PAN3: variants seen among roughly 807,000 people sequenced by gnomAD.
PAN3 encodes PAN2-PAN3 deadenylation complex subunit PAN3.
Under a neutral mutation model 96.2 loss-of-function variants are expected in PAN3, and 19 were observed. That is an observed-to-expected ratio of 0.20 (90% CI 0.14 to 0.29). The LOEUF is 0.29. PAN3 is among the 10% of genes least tolerant of loss of function. The pLI is 1.00. For missense variants in PAN3, 882 were observed against 1,108.1 expected (o/e 0.80, Z 2.90); for synonymous variants, 433 against 406.6 (o/e 1.06, Z -0.78).
intron 6 of PAN3, among the ~76,000 whole-genome samples, chr13:28,247,886 G>C (rs1884356482): frequency 6.6e-6 from 1 of 152,230 alleles, no homozygotes; most frequent in African/African-American, 2.4e-5. Context: ...TTTTTGGTCA[G>C]AATGCTTTGG....
rs1869936301 is a variant in PAN3, at chr13:28,292,963, G to A, written c.*441G>A. On this transcript the variant is annotated 3_prime_UTR_variant, in exon 19 of 19. Transcript: ENST00000380958. ...TTGCAGAATTTGCTCTTTTTGGGATGGGTTGCCCTGAATAACATTACGGAC... is the reference window on the plus strand; with the variant it reads ...TTGCAGAATTTGCTCTTTTTGGGATAGGTTGCCCTGAATAACATTACGGAC... 1 of 153,028 alleles carries A rather than the reference G, an allele frequency of 6.5e-6. No individual in the cohort carries two copies. Among genetic ancestry groups the A allele is most frequent in the Admixed American group, 6.5e-5 (1 of 15,310 alleles). The allele number at this position is 153,028 out of a possible 1,614,324, so 9.5% of individuals were successfully genotyped here.
chr13:28,224,548 A>G (rs767927862), intron 6 of PAN3, among the ~76,000 whole-genome samples: 2 of 152,206 alleles, frequency 1.3e-5, no homozygotes, highest in Non-Finnish European at 2.9e-5. Flanking sequence ...GATTTTCAGC[A>G]TTTGTCAATA....
At chr13:28,143,601 C>T (rs1593346544) in intron 1 of PAN3, among the ~76,000 whole-genome samples, 1 of 152,230 alleles carries the variant, frequency 6.6e-6, no homozygotes, top group Non-Finnish European at 1.5e-5. Flanking sequence ...AACCTTTAAG[C>T]CTCAGTTTTT....
chr13:28,275,355 A>G (rs1023944238), intron 14 of PAN3, among the ~76,000 whole-genome samples: 4 of 152,100 alleles, frequency 2.6e-5, no homozygotes, highest in Non-Finnish European at 5.9e-5. Flanking sequence ...CTCTTGGACC[A>G]TTTTGGTTTT....
At chr13:28,159,536 C>A (rs1872649081) in intron 1 of PAN3, among the ~76,000 whole-genome samples, 1 of 152,224 alleles carries the variant, frequency 6.6e-6, no homozygotes, top group Non-Finnish European at 1.5e-5. Flanking sequence ...GCAACCTCCG[C>A]CTCCCTGGTT....
chr13:28,169,015 CAA>C (rs1274385475), intron 1 of PAN3, among the ~76,000 whole-genome samples: 3 of 119,326 alleles, frequency 2.5e-5, no homozygotes, highest in Non-Finnish European at 3.6e-5. Context: ...GACTCCGTCT[CAA>C]AAAAAAAAAA....
At chr13:28,289,373 C>T (rs1869414090) in intron 18 of PAN3, among the ~76,000 whole-genome samples, 1 of 152,082 alleles carries the variant, frequency 6.6e-6, no homozygotes, top group Non-Finnish European at 1.5e-5. Flanking sequence ...CCCAGGGCTG[C>T]AGTGGTCCTC....
intron 4 of PAN3, among the ~76,000 whole-genome samples, chr13:28,182,858 C>T (rs1307568815): frequency 2.0e-5 from 3 of 152,150 alleles, no homozygotes; most frequent in African/African-American, 7.2e-5. Context: ...TGTTACAAAA[C>T]TTACTGATGA....
At chr13:28,246,127 A>G (rs1400321510) in intron 6 of PAN3, among the ~76,000 whole-genome samples, 1 of 152,044 alleles carries the variant, frequency 6.6e-6, no homozygotes, top group Non-Finnish European at 1.5e-5. Flanking sequence ...TGTGGTTTTG[A>G]TTTCTGTGTC....
chr13:28,188,196 T>C (rs556601205), intron 4 of PAN3, among the ~76,000 whole-genome samples: 2 of 152,308 alleles, frequency 1.3e-5, no homozygotes, highest in East Asian at 3.9e-4. Context: ...GGTACATCAA[T>C]TGAGAAATCT....
intron 4 of PAN3, among the ~76,000 whole-genome samples, chr13:28,180,638 T>C (rs1193537972): frequency 6.6e-6 from 1 of 152,214 alleles, no homozygotes; most frequent in African/African-American, 2.4e-5. Flanking sequence ...TGTTTTACAG[T>C]GATATAGGAG....
intron 5 of PAN3, among the ~76,000 whole-genome samples, chr13:28,205,875 AAAG>A (rs1879287595): frequency 6.6e-6 from 1 of 151,556 alleles, no homozygotes. Flanking sequence ...AAAAAAAAAA[AAAG>A]AAAAGAAATG....
intron 4 of PAN3, among the ~76,000 whole-genome samples, chr13:28,194,275 G>T (rs1253781015): frequency 6.6e-6 from 1 of 151,422 alleles, no homozygotes; most frequent in African/African-American, 2.4e-5. Context: ...TGGAATTTAG[G>T]TGTCCATGTA....
At chr13:28,193,801 AATGTTGTTTACTGTACTACTAC>A (rs1472044520) in intron 4 of PAN3, among the ~76,000 whole-genome samples, 1 of 150,316 alleles carries the variant, frequency 6.7e-6, no homozygotes, top group Non-Finnish European at 1.5e-5. Context: ...CTTTTTTTTC[AATGTTGTTTACTGTACTACTAC>A]ATAGAAAGTG....
At chr13:28,215,872 C>T in intron 5 of PAN3, 1 of 1,358,734 alleles carries the variant, frequency 7.4e-7, no homozygotes. Context: ...ACCAGGTTTG[C>T]CCAGAAATCT....
intron 4 of PAN3, among the ~76,000 whole-genome samples, chr13:28,188,957 T>C (rs1593437057): frequency 6.6e-6 from 1 of 152,222 alleles, no homozygotes; most frequent in African/African-American, 2.4e-5. Context: ...GAGAAGAGAA[T>C]AGATCTTCTT....
chr13:28,226,623 G>C (rs1319132171), intron 6 of PAN3, among the ~76,000 whole-genome samples: 1 of 151,590 alleles, frequency 6.6e-6, no homozygotes, highest in Non-Finnish European at 1.5e-5. Flanking sequence ...GTAATTGTTA[G>C]GTATCTCTTA....
chr13:28,138,646 T>TG lies in PAN3; in HGVS notation c.-11dup, dbSNP rs1869118803. 1.8e-6 allele frequency: 1 copy of TG among 562,946 alleles called. No individual in the cohort carries two copies. Among genetic ancestry groups the TG allele is most frequent in the African/African-American group, 2.0e-5 (1 of 48,912 alleles). 34.9% of individuals were successfully genotyped at this position (562,946 alleles called of 1,614,324 possible). On this transcript the variant is annotated 5_prime_UTR_variant, in exon 1 of 19. Transcript: ENST00000380958. ...CTCGGGCGGCGGCGGAAGACGAGGCTGCGGCGTTGCCATGAACAGTGGCGG... is the reference window on the plus strand; with the variant it reads ...CTCGGGCGGCGGCGGAAGACGAGGCTGGCGGCGTTGCCATGAACAGTGGCGG...
intron 1 of PAN3, among the ~76,000 whole-genome samples, chr13:28,147,361 A>T (rs1282474841): frequency 6.6e-6 from 1 of 152,220 alleles, no homozygotes. Flanking sequence ...GAGTTTATTC[A>T]GGCATTAAAC....
Sources: gnomAD v4.1 joint callset for allele counts (sites outside exome capture counted in the v4.1 genomes callset) on GRCh38, gnomAD v4.1.1 for gene constraint, MANE v1.5 for transcripts, NCBI Gene and HGNC (gene_info 2026-07-23, HGNC 2026-07-21) for gene names.